The following THRB variants were observed in gnomAD, a reference collection of about 807,000 sequenced individuals.
THRB encodes the protein nuclear receptor subfamily 1 group A member 2.
Under a neutral mutation model 47.8 loss-of-function variants are expected in THRB, and 12 were observed. That is an observed-to-expected ratio of 0.25 (90% CI 0.16 to 0.41). The LOEUF (loss-of-function observed/expected upper bound fraction) is 0.41. THRB is among the 10% of genes least tolerant of loss of function. The pLI, the probability that THRB is intolerant of heterozygous loss-of-function variation, is 1.00. For synonymous variants in THRB, 218 were observed against 212.2 expected (o/e 1.03, Z -0.24); for missense variants, 348 against 589.2 (o/e 0.59, Z 4.24).
rs556314014 is a variant in THRB at position 24,132,234 on chromosome 3, G to A, written c.885+1082C>T. Among the ~76,000 whole-genome samples, 165 of 152,238 alleles carry A rather than the reference G, an allele frequency of 1.1e-3. 1 individual carries two copies. The highest frequency in any genetic ancestry group is 3.4e-3 in the Middle Eastern group (1 of 294). Reference sequence around the variant, plus strand: ...TTACCTAAGAGGCTCACAGCTGTCCGTGACCCTCTCTATTTGGTATCTTTC... The same window carrying A: ...TTACCTAAGAGGCTCACAGCTGTCCATGACCCTCTCTATTTGGTATCTTTC... On this transcript the variant is annotated intron_variant, in intron 9 of 10. Coordinates refer to ENST00000646209, the MANE Select transcript of THRB (RefSeq NM_001354712.2).
chr3:24,491,995 A>AAG (rs199581277), intron 1 of THRB, among the ~76,000 whole-genome samples: 2 of 152,294 alleles, frequency 1.3e-5, no homozygotes, highest in African/African-American at 2.4e-5. Flanking sequence ...TTCGAAAAGA[A>AAG]AGAGAGAGAG....
chr3:24,487,112 A>C (rs1697415722), intron 1 of THRB, among the ~76,000 whole-genome samples: 1 of 152,172 alleles, frequency 6.6e-6, no homozygotes, highest in Non-Finnish European at 1.5e-5. Flanking sequence ...CTTCAACAAC[A>C]GGCAGCATTA....
chr3:24,441,368 C>T (rs1003282806), intron 1 of THRB, among the ~76,000 whole-genome samples: 2 of 152,180 alleles, frequency 1.3e-5, no homozygotes, highest in South Asian at 4.1e-4. Flanking sequence ...CAGAATTCCA[C>T]CTGTCACAAG....
At chr3:24,338,475 C>G (rs2062410565) in intron 1 of THRB, among the ~76,000 whole-genome samples, 1 of 152,308 alleles carries the variant, frequency 6.6e-6, no homozygotes, top group South Asian at 2.1e-4. Flanking sequence ...TGGATGTGGG[C>G]TTGAACCACG....
intron 1 of THRB, chr3:24,348,771 TAACA>T (rs1360388802): frequency 2.6e-5 from 4 of 152,102 alleles, no homozygotes; most frequent in Admixed American, 6.6e-5. Context: ...TGAAACTGTA[TAACA>T]AACATGCTAA....
chr3:24,296,698 G>A (rs1420428055), intron 3 of THRB, among the ~76,000 whole-genome samples: 1 of 152,222 alleles, frequency 6.6e-6, no homozygotes, highest in Non-Finnish European at 1.5e-5. Context: ...GAGCATAAAG[G>A]AGGTATCCTG....
At chr3:24,141,948 A>G (rs930080617) in intron 8 of THRB, among the ~76,000 whole-genome samples, 1 of 152,222 alleles carries the variant, frequency 6.6e-6, no homozygotes, top group Non-Finnish European at 1.5e-5. Flanking sequence ...GAATTTGTCT[A>G]TCAATCCAGA....
chr3:24,362,486 T>TGC (rs1218436578), intron 1 of THRB, among the ~76,000 whole-genome samples: 1 of 152,186 alleles, frequency 6.6e-6, no homozygotes, highest in African/African-American at 2.4e-5. Flanking sequence ...TCCCCATTCC[T>TGC]ACATTCCCCT....
intron 2 of THRB, among the ~76,000 whole-genome samples, chr3:24,299,399 C>T (rs1287649814): frequency 6.6e-6 from 1 of 151,750 alleles, no homozygotes; most frequent in African/African-American, 2.4e-5. Flanking sequence ...TGTAGTTCTC[C>T]AGCCTTGCCT....
intron 3 of THRB, among the ~76,000 whole-genome samples, chr3:24,243,854 G>A (rs561738250): frequency 7.2e-5 from 11 of 152,132 alleles, no homozygotes; most frequent in South Asian, 2.1e-4. Flanking sequence ...GTAAATACTC[G>A]TTAAATGGAG....
chr3:24,451,843 A>G (rs1430567224), intron 1 of THRB, among the ~76,000 whole-genome samples: 1 of 152,202 alleles, frequency 6.6e-6, no homozygotes, highest in Non-Finnish European at 1.5e-5. Context: ...TGTTTGCTCA[A>G]CATTTCCAGG....
chr3:24,336,625 C>A (rs373697372), intron 2 of THRB, among the ~76,000 whole-genome samples: 1 of 151,954 alleles, frequency 6.6e-6, no homozygotes, highest in Non-Finnish European at 1.5e-5. Flanking sequence ...GACTGAAAGG[C>A]AAATTCAGAA....
At chr3:24,123,541 A>G (rs1276008920) in intron 10 of THRB, among the ~76,000 whole-genome samples, 1 of 152,152 alleles carries the variant, frequency 6.6e-6, no homozygotes, top group East Asian at 1.9e-4. Flanking sequence ...GGGGAGATAT[A>G]TGAAGGGACT....
Position 24,350,110 on chromosome 3 carries a change from A to AT in THRB, c.-260-12740dup, listed in dbSNP as rs2063275825. ...AAGATACTCAAATGCAAACCAACAT[A>AT]TAAAAAGTGCTCGACCTCATTATTT... On this transcript the variant is annotated intron_variant, in intron 1 of 10. Coordinates refer to ENST00000646209, the MANE Select transcript of THRB (RefSeq NM_001354712.2). Among the ~76,000 whole-genome samples, 5 of 152,212 alleles carry AT rather than the reference A, an allele frequency of 3.3e-5. No homozygotes were observed. In the South Asian group the frequency reaches 1.0e-3, roughly 32 times the overall value.
intron 3 of THRB, among the ~76,000 whole-genome samples, chr3:24,247,364 C>G (rs2050207475): frequency 6.6e-6 from 1 of 152,114 alleles, no homozygotes; most frequent in Non-Finnish European, 1.5e-5. Flanking sequence ...TCTAGGGAAC[C>G]TGCTAAGGAT....
chr3:24,417,095 AACACACACAC>A (rs67541584), intron 1 of THRB, among the ~76,000 whole-genome samples: 90,212 of 135,496 alleles, frequency 0.67, 27,623 homozygotes, highest in Non-Finnish European at 0.71. Context: ...ATTTTAAACC[AACACACACAC>A]ACACACACAC....
chr3:24,183,679 CTTTTTTTTTT>C (rs35441182), intron 5 of THRB, among the ~76,000 whole-genome samples: 1 of 137,072 alleles, frequency 7.3e-6, no homozygotes, highest in African/African-American at 2.6e-5. Flanking sequence ...GGCCTTTCAT[CTTTTTTTTTT>C]TTTTTTTTAA....
intron 4 of THRB, among the ~76,000 whole-genome samples, chr3:24,204,754 A>C (rs1033811170): frequency 6.6e-6 from 1 of 152,218 alleles, no homozygotes; most frequent in Non-Finnish European, 1.5e-5. Context: ...AAAAACCTTG[A>C]AAAAAGATTA....
At chr3:24,335,119 C>T (rs1359684139) in intron 2 of THRB, among the ~76,000 whole-genome samples, 1 of 152,146 alleles carries the variant, frequency 6.6e-6, no homozygotes, top group Non-Finnish European at 1.5e-5. Flanking sequence ...TTCTCAGAGC[C>T]CTAAAAGCTC....
Sources: allele counts gnomAD v4.1 joint callset (sites outside exome capture counted in the v4.1 genomes callset), GRCh38; gene constraint gnomAD v4.1.1; transcripts MANE v1.5; gene names NCBI Gene and HGNC (gene_info 2026-07-23, HGNC 2026-07-21).